TMCO4: variants seen among roughly 807,000 people sequenced by gnomAD.
TMCO4 encodes transmembrane and coiled-coil domains 4.
TMCO4 carries 58 observed loss-of-function variants against 64.7 expected under a neutral mutation model. That is an observed-to-expected ratio of 0.90 (90% confidence interval 0.73 to 1.12). The LOEUF is 1.12. Among genes scored for constraint, TMCO4 ranks in the 50% most tolerant of loss-of-function variants. TMCO4 has a pLI of 0.00. For synonymous variants in TMCO4, 325 were observed against 346.1 expected, an observed-to-expected ratio of 0.94 and a Z score of 0.68; for missense variants, 780 against 825.9, an observed-to-expected ratio of 0.94 and a Z score of 0.68.
chr1:19,713,543 G>A (rs895112488), intron 13 of TMCO4, among the ~76,000 whole-genome samples: 5 of 151,936 alleles, frequency 3.3e-5, no homozygotes, highest in African/African-American at 1.2e-4. Flanking sequence ...AATCCTTTAG[G>A]CAAGATCCAG....
intron 13 of TMCO4, among the ~76,000 whole-genome samples, chr1:19,703,535 CT>C (rs1286467255): frequency 3.6e-4 from 52 of 146,390 alleles, no homozygotes; most frequent in African/African-American, 1.1e-3. Flanking sequence ...CTTTTCTTTT[CT>C]TTCTTTTTCT....
intron 6 of TMCO4, among the ~76,000 whole-genome samples, chr1:19,763,368 A>G (rs2042589723): frequency 6.6e-6 from 1 of 152,182 alleles, no homozygotes; most frequent in South Asian, 2.1e-4. Context: ...GTGAGCCACC[A>G]CGCCGGGCCA....
intron 13 of TMCO4, among the ~76,000 whole-genome samples, chr1:19,723,023 G>T (rs1333633889): frequency 6.6e-6 from 1 of 152,178 alleles, no homozygotes; most frequent in Non-Finnish European, 1.5e-5. Context: ...TGTACATCAG[G>T]AAGCCGGACT....
At chr1:19,766,001 G>A (rs908096621) in intron 6 of TMCO4, among the ~76,000 whole-genome samples, 3 of 151,998 alleles carry the variant, frequency 2.0e-5, no homozygotes, top group South Asian at 2.1e-4. Flanking sequence ...AAGAAGGGTC[G>A]CCCACCCATC....
chr1:19,751,523 C>T (rs186549742), intron 7 of TMCO4, among the ~76,000 whole-genome samples: 3 of 152,214 alleles, frequency 2.0e-5, no homozygotes, highest in African/African-American at 4.8e-5. Flanking sequence ...CTTGAACCTG[C>T]GAGGTCAAGG....
At chr1:19,749,720 T>A (rs1188032745) in intron 7 of TMCO4, among the ~76,000 whole-genome samples, 1 of 152,166 alleles carries the variant, frequency 6.6e-6, no homozygotes, top group Non-Finnish European at 1.5e-5. Flanking sequence ...CTTCTTTCTC[T>A]ATGCCCCAAA....
At chr1:19,741,890 C>T (rs902522907) in intron 10 of TMCO4, among the ~76,000 whole-genome samples, 1 of 151,974 alleles carries the variant, frequency 6.6e-6, no homozygotes, top group African/African-American at 2.4e-5. Flanking sequence ...GCACCCACCA[C>T]CAAACCTGGC....
intron 7 of TMCO4, 129 bp downstream of exon 7, chr1:19,755,504 TG>T: frequency 7.5e-7 from 1 of 1,334,166 alleles, no homozygotes; most frequent in Non-Finnish European, 1.0e-6. Flanking sequence ...GGGCTACAGC[TG>T]GGACTCTGTC....
At chr1:19,718,629 T>A (rs1371397549) in intron 13 of TMCO4, among the ~76,000 whole-genome samples, 2 of 106,132 alleles carry the variant, frequency 1.9e-5, no homozygotes, top group South Asian at 3.3e-4. Flanking sequence ...CCAGCCTGGG[T>A]AACAGAATGA....
intron 6 of TMCO4, among the ~76,000 whole-genome samples, chr1:19,767,791 C>A (rs72658522): frequency 0.12 from 17,809 of 152,088 alleles, 1,142 homozygotes; most frequent in Non-Finnish European, 0.13. Context: ...AGTCTCTCCA[C>A]CTGTGAAAAT....
chr1:19,757,531 CAT>C (rs2042320788), intron 6 of TMCO4, among the ~76,000 whole-genome samples: 1 of 152,148 alleles, frequency 6.6e-6, no homozygotes, highest in Non-Finnish European at 1.5e-5. Flanking sequence ...TGTAGGGTAA[CAT>C]ATTCACAGTT....
chr1:19,709,550 T>G (rs993568645), intron 13 of TMCO4, among the ~76,000 whole-genome samples: 2 of 152,212 alleles, frequency 1.3e-5, no homozygotes. Context: ...TTCAGCCAAG[T>G]AAGAATTTGG....
intron 13 of TMCO4, among the ~76,000 whole-genome samples, chr1:19,733,355 T>C (rs1289604005): frequency 6.6e-6 from 1 of 152,218 alleles, no homozygotes; most frequent in Non-Finnish European, 1.5e-5. Flanking sequence ...AATGTTTGTC[T>C]ACATCTGTGC....
intron 13 of TMCO4, among the ~76,000 whole-genome samples, chr1:19,710,588 G>A (rs534758477): frequency 1.3e-5 from 2 of 152,220 alleles, no homozygotes; most frequent in Non-Finnish European, 2.9e-5. Flanking sequence ...CCTCCGACAC[G>A]CCAAGTAATT....
chr1:19,685,281 G>T (rs34237648), intron 15 of TMCO4, among the ~76,000 whole-genome samples: 28,755 of 152,140 alleles, frequency 0.19, 3,129 homozygotes, highest in African/African-American at 0.3. Flanking sequence ...AGCCCTGATT[G>T]TGCCGCTGCA....
At chr1:19,794,988 G>A (rs947287638) in intron 2 of TMCO4, among the ~76,000 whole-genome samples, 22 of 152,132 alleles carry the variant, frequency 1.4e-4, no homozygotes, top group Admixed American at 1.2e-3. Context: ...CAGGGGCTGC[G>A]GGGAGGAGGA....
At chr1:19,760,168 T>C (rs549655245) in intron 6 of TMCO4, among the ~76,000 whole-genome samples, 1 of 152,240 alleles carries the variant, frequency 6.6e-6, no homozygotes, top group Non-Finnish European at 1.5e-5. Flanking sequence ...TATAGTCTTT[T>C]TTTTTTCTTT....
At chr1:19,702,437 CA>C (rs1413160505) in intron 13 of TMCO4, among the ~76,000 whole-genome samples, 1 of 150,926 alleles carries the variant, frequency 6.6e-6, no homozygotes, top group Non-Finnish European at 1.5e-5. Context: ...ACTAAAAATA[CA>C]AAAATTAGCT....
chr1:19,716,381 C>CTTTTTTTTTTTTT (rs1262772167), intron 13 of TMCO4, among the ~76,000 whole-genome samples: 5 of 124,468 alleles, frequency 4.0e-5, no homozygotes, highest in Admixed American at 8.3e-5. Flanking sequence ...TTTTTTCTTT[C>CTTTTTTTTTTTTT]TTTTTTTTTT....
Sources: allele counts gnomAD v4.1 joint callset (sites outside exome capture counted in the v4.1 genomes callset), GRCh38; gene constraint gnomAD v4.1.1; transcripts MANE v1.5; gene names NCBI Gene and HGNC (gene_info 2026-07-23, HGNC 2026-07-21).